The following RORB variants were observed in gnomAD, a reference collection of about 807,000 sequenced individuals.
RORB encodes the protein nuclear receptor ROR-beta.
A neutral mutation model predicts 59.1 loss-of-function variants in RORB; 6 were observed. The observed-to-expected ratio is 0.10, with a 90% CI of 0.06 to 0.20. The LOEUF (loss-of-function observed/expected upper bound fraction) is 0.20, where lower values mean the gene tolerates loss of function less well. Ranked by LOEUF, RORB falls within the 10% of genes least tolerant of loss-of-function variation. The pLI is 1.00. For missense variants in RORB, 320 were observed against 560.5 expected, an observed-to-expected ratio of 0.57 and a Z score of 4.33; for synonymous variants, 215 against 204.5, an observed-to-expected ratio of 1.05 and a Z score of -0.44.
chr9:74,690,335 A>G lies in RORB; in HGVS notation c.*4717A>G, dbSNP rs1275498957. 6.6e-6 allele frequency: 1 copy of G among 152,218 alleles called. No individual in the cohort carries two copies. The highest frequency in any genetic ancestry group is 2.4e-5 in the African/African-American group (1 of 41,450). The allele number at this position is 152,218 out of a possible 1,614,324, so 9.4% of individuals were successfully genotyped here. ...TTTAAAGCAGGGGTTGAAAATTCGAAAGCCTAAAAGGGCCAGGGGGCTTAA... is the reference window on the plus strand; with the variant it reads ...TTTAAAGCAGGGGTTGAAAATTCGAGAGCCTAAAAGGGCCAGGGGGCTTAA... On this transcript the variant is annotated 3_prime_UTR_variant, in exon 10 of 10. Transcript: ENST00000376896.
At chr9:74,600,145 G>A (rs1823032759) in intron 1 of RORB, among the ~76,000 whole-genome samples, 1 of 152,130 alleles carries the variant, frequency 6.6e-6, no homozygotes, top group Non-Finnish European at 1.5e-5. Flanking sequence ...TACCCATCCT[G>A]TGTCTTCTTC....
intron 1 of RORB, among the ~76,000 whole-genome samples, chr9:74,562,830 T>C (rs1822415541): frequency 6.6e-6 from 1 of 152,210 alleles, no homozygotes; most frequent in African/African-American, 2.4e-5. Flanking sequence ...AATACTCCCA[T>C]GTATACCTCA....
intron 6 of RORB, among the ~76,000 whole-genome samples, chr9:74,662,924 C>G (rs1485828818): frequency 6.6e-6 from 1 of 151,962 alleles, no homozygotes; most frequent in Non-Finnish European, 1.5e-5. Context: ...AAAACGTACT[C>G]CTTGCCTTCT....
chr9:74,660,797 A>G (rs1391069683), intron 5 of RORB, 59 bp downstream of exon 5: 1 of 1,550,794 alleles, frequency 6.4e-7, no homozygotes, highest in East Asian at 2.3e-5. Flanking sequence ...GTGTTGCTCA[A>G]GCTCAGCACT....
intron 1 of RORB, among the ~76,000 whole-genome samples, chr9:74,539,285 T>C (rs1826368618): frequency 6.6e-6 from 1 of 152,140 alleles, no homozygotes; most frequent in African/African-American, 2.4e-5. Flanking sequence ...TATAGGCATG[T>C]TTTGCATTAA....
chr9:74,498,049 G>A, intron 1 of RORB, 66 bp downstream of exon 1: 2 of 1,563,366 alleles, frequency 1.3e-6, no homozygotes, highest in Non-Finnish European at 1.7e-6. Flanking sequence ...GGGGAGATGG[G>A]GGAGGGGAGG....
chr9:74,672,595 T>A (rs916492950), intron 9 of RORB, among the ~76,000 whole-genome samples: 2 of 152,178 alleles, frequency 1.3e-5, no homozygotes, highest in African/African-American at 4.8e-5. Flanking sequence ...TTAAGAATGA[T>A]CTTTAATAAG....
rs1463558581 is a variant in RORB at position 74,691,095 on chromosome 9, T to C, written c.*5477T>C. 4 of 152,270 alleles carry C rather than the reference T, an allele frequency of 2.6e-5. No homozygotes were observed. The highest frequency in any genetic ancestry group is 9.6e-5 in the African/African-American group (4 of 41,474). 9.4% of individuals were successfully genotyped at this position (152,270 alleles called of 1,614,324 possible). The stretch of plus-strand genomic sequence containing the variant: ...ATGCAGCAGATGGGGGTTGTCTGTT[T>C]GTGCACTTTTTTCCTAAGCTGCTGA... On this transcript the variant is annotated 3_prime_UTR_variant, in exon 10 of 10. Coordinates refer to ENST00000376896, the MANE Select transcript of RORB (RefSeq NM_006914.4).
intron 1 of RORB, among the ~76,000 whole-genome samples, chr9:74,594,690 A>G (rs1408139961): frequency 1.3e-5 from 2 of 152,182 alleles, no homozygotes; most frequent in African/African-American, 2.4e-5. Flanking sequence ...TTTCTTCTTT[A>G]CATCTCTGGC....
intron 4 of RORB, among the ~76,000 whole-genome samples, chr9:74,644,805 T>G (rs1481722468): frequency 1.3e-5 from 2 of 152,204 alleles, no homozygotes; most frequent in African/African-American, 2.4e-5. Flanking sequence ...GGGAGTCTTC[T>G]AAGAATTAAT....
chr9:74,619,514 C>T (rs1447152434), intron 1 of RORB, among the ~76,000 whole-genome samples: 10 of 152,114 alleles, frequency 6.6e-5, no homozygotes, highest in South Asian at 2.1e-4. Flanking sequence ...TGCAGTGGCG[C>T]GATCTTGGCT....
At chr9:74,625,800 A>G (rs1178264719) in intron 1 of RORB, among the ~76,000 whole-genome samples, 3 of 152,214 alleles carry the variant, frequency 2.0e-5, no homozygotes, top group African/African-American at 4.8e-5. Flanking sequence ...CCCAGAATAT[A>G]GGAATGGCCA....
At chr9:74,625,898 G>A (rs1468252523) in intron 1 of RORB, among the ~76,000 whole-genome samples, 1 of 152,174 alleles carries the variant, frequency 6.6e-6, no homozygotes, top group Admixed American at 6.5e-5. Flanking sequence ...GAACGTACGT[G>A]AAAAGTCTGT....
intron 1 of RORB, among the ~76,000 whole-genome samples, chr9:74,500,810 C>A (rs1163117771): frequency 6.6e-6 from 1 of 152,132 alleles, no homozygotes; most frequent in Non-Finnish European, 1.5e-5. Flanking sequence ...TGTCCTGCCC[C>A]ACGGCTGAAC....
At chr9:74,544,734 G>C (rs1335518385) in intron 1 of RORB, among the ~76,000 whole-genome samples, 1 of 152,148 alleles carries the variant, frequency 6.6e-6, no homozygotes, top group Non-Finnish European at 1.5e-5. Flanking sequence ...TGTCTCCTTC[G>C]TGTGCACAGG....
intron 1 of RORB, chr9:74,498,217 G>A (rs1018794125): frequency 3.3e-6 from 2 of 598,212 alleles, no homozygotes; most frequent in African/African-American, 1.9e-5. Context: ...TTTTGGAGAG[G>A]GGAGACAGGC....
chr9:74,552,098 A>G (rs1826619790), intron 1 of RORB, among the ~76,000 whole-genome samples: 1 of 152,198 alleles, frequency 6.6e-6, no homozygotes, highest in Admixed American at 6.5e-5. Flanking sequence ...GTTCTTCTAT[A>G]GGTCTCAAGG....
chr9:74,571,785 T>C (rs1315218104), intron 1 of RORB, among the ~76,000 whole-genome samples: 1 of 152,188 alleles, frequency 6.6e-6, no homozygotes, highest in Non-Finnish European at 1.5e-5. Context: ...ATGTTAAATA[T>C]AGCCCTGTTC....
intron 1 of RORB, among the ~76,000 whole-genome samples, chr9:74,582,852 C>A (rs1822744648): frequency 6.6e-6 from 1 of 152,144 alleles, no homozygotes; most frequent in Non-Finnish European, 1.5e-5. Context: ...GTAGTAGGAT[C>A]TGAGTAGTGT....
Sources: gnomAD v4.1 joint callset for allele counts (sites outside exome capture counted in the v4.1 genomes callset) on GRCh38, gnomAD v4.1.1 for gene constraint, MANE v1.5 for transcripts, NCBI Gene and HGNC (gene_info 2026-07-23, HGNC 2026-07-21) for gene names.